Variants in EPHA4 observed in about 807,000 individuals in gnomAD.
EPHA4 encodes ephrin type-A receptor 4.
EPHA4 carries 19 observed loss-of-function variants against 108.3 expected under a neutral mutation model. The observed-to-expected ratio is 0.18, with a 90% CI of 0.12 to 0.26. The LOEUF (loss-of-function observed/expected upper bound fraction) is 0.26. Ranked by LOEUF, EPHA4 falls within the 10% of genes least tolerant of loss-of-function variation. The pLI is 1.00. For missense variants in EPHA4, 917 were observed against 1,254.0 expected, an observed-to-expected ratio of 0.73 and a Z score of 4.06; for synonymous variants, 449 against 455.5, an observed-to-expected ratio of 0.99 and a Z score of 0.18.
chr2:221,492,542 C>T (rs569033863), intron 4 of EPHA4, among the ~76,000 whole-genome samples: 2 of 152,236 alleles, frequency 1.3e-5, no homozygotes, highest in East Asian at 1.9e-4. Flanking sequence ...CAAACAAAAA[C>T]CATCCACTTG....
At chr2:221,513,088 C>T (rs1462581305) in intron 3 of EPHA4, among the ~76,000 whole-genome samples, 1 of 152,082 alleles carries the variant, frequency 6.6e-6, no homozygotes, top group Non-Finnish European at 1.5e-5. Context: ...GCTGGCTTCA[C>T]CCAGAAGAAG....
intron 4 of EPHA4, among the ~76,000 whole-genome samples, chr2:221,493,971 CTTTG>C (rs1302620450): frequency 3.3e-5 from 5 of 152,178 alleles, no homozygotes; most frequent in Non-Finnish European, 4.4e-5. Flanking sequence ...ATCAATCACT[CTTTG>C]TTTGTTTGGC....
intron 4 of EPHA4, among the ~76,000 whole-genome samples, chr2:221,486,155 T>C (rs1010779429): frequency 6.6e-6 from 1 of 152,176 alleles, no homozygotes; most frequent in Non-Finnish European, 1.5e-5. Context: ...ACTGTTGTAC[T>C]TGTTCTAATT....
chr2:221,540,929 TGTC>T (rs1408599426), intron 3 of EPHA4, among the ~76,000 whole-genome samples: 2 of 147,756 alleles, frequency 1.4e-5, no homozygotes, highest in African/African-American at 5.0e-5. Flanking sequence ...TGTGGAAAAC[TGTC>T]TTTTTTTTTT....
chr2:221,463,963 G>T (rs1559252028), intron 5 of EPHA4, among the ~76,000 whole-genome samples: 1 of 152,156 alleles, frequency 6.6e-6, no homozygotes, highest in Non-Finnish European at 1.5e-5. Flanking sequence ...TTTCATTACT[G>T]GTTCAAATTA....
At chr2:221,421,957 T>C (rs1269001964) in intron 17 of EPHA4, 3 of 152,104 alleles carry the variant, frequency 2.0e-5, no homozygotes, top group African/African-American at 2.4e-5. Context: ...AATCGTTTTC[T>C]GGCCAGGTCT....
At chr2:221,511,731 T>G (rs1260685216) in intron 3 of EPHA4, among the ~76,000 whole-genome samples, 1 of 152,220 alleles carries the variant, frequency 6.6e-6, no homozygotes, top group Non-Finnish European at 1.5e-5. Context: ...AATATGTTAT[T>G]TCAATTTGAT....
intron 5 of EPHA4, among the ~76,000 whole-genome samples, chr2:221,463,681 C>T (rs753373227): frequency 3.3e-5 from 5 of 152,194 alleles, no homozygotes; most frequent in Admixed American, 1.3e-4. Flanking sequence ...TCCCCACTGA[C>T]GTGAATGCTG....
At chr2:221,489,196 C>G (rs1692068347) in intron 4 of EPHA4, among the ~76,000 whole-genome samples, 1 of 152,186 alleles carries the variant, frequency 6.6e-6, no homozygotes, top group Non-Finnish European at 1.5e-5. Context: ...TTTATTCTTA[C>G]AGGAAGCAAC....
In EPHA4 at chr2:221,527,576, G is replaced by A. The variant is rs13424187; in HGVS notation, c.824-26404C>T. Among the ~76,000 whole-genome samples the A allele has an allele frequency of 3.2e-3, 482 of 152,246 alleles. 3 individuals are homozygous for A. Among genetic ancestry groups the A allele is most frequent in the African/African-American group, 0.011 (466 of 41,550 alleles). On this transcript the variant is annotated intron_variant, in intron 3 of 17. Coordinates refer to ENST00000281821, the MANE Select transcript of EPHA4 (RefSeq NM_004438.5). Reference sequence around the variant, plus strand: ...ATGGAGGCCCCAGCCCCAGCAACCGGGGAGGTCCACCGGGGTCTGCCCGAC... The same window carrying A: ...ATGGAGGCCCCAGCCCCAGCAACCGAGGAGGTCCACCGGGGTCTGCCCGAC...
At chr2:221,477,069 T>C (rs1450091040) in intron 5 of EPHA4, among the ~76,000 whole-genome samples, 1 of 151,696 alleles carries the variant, frequency 6.6e-6, no homozygotes, top group African/African-American at 2.4e-5. Flanking sequence ...TTATTATTAT[T>C]ATTATTTTGC....
At chr2:221,438,749 C>T (rs1222850301) in intron 11 of EPHA4, among the ~76,000 whole-genome samples, 12 of 152,024 alleles carry the variant, frequency 7.9e-5, no homozygotes, top group Admixed American at 7.9e-4. Context: ...CATGCCACTG[C>T]ACTGAAGCCT....
Position 221,436,412 on chromosome 2 carries a change from G to C in EPHA4, c.2333C>G (p.Ala778Gly). ...GATCTTTCTTACCCTGGTGGTGTAA[G>C]CTGCTTCCGGATCATCCTCAAGCAC... ...SRVLEDDPEAAYTTRGGKIPI... is the reference protein window; with the variant it reads ...SRVLEDDPEAGYTTRGGKIPI... The change falls in exon 13 of 18, where the codon GCT becomes GGT. Residue 778 changes from alanine (A) to glycine (G), a missense_variant. Physicochemically the swap from Ala to Gly is moderately conservative, Grantham distance 60 (BLOSUM62 0). Transcript: ENST00000281821. The C allele has an allele frequency of 6.2e-7, 1 of 1,614,156 alleles. No homozygotes were observed. The highest frequency in any genetic ancestry group is 8.5e-7 in the Non-Finnish European group (1 of 1,180,006).
Position 221,492,485 on chromosome 2 carries a change from G to A in EPHA4, c.979+8532C>T, listed in dbSNP as rs567691086. ...AGTCTGGGGTCTATCTAGTGCCTTC[G>A]TTGAAGCTCACCTGGTGATCTTTCT... On this transcript the variant is annotated intron_variant, in intron 4 of 17. Coordinates refer to ENST00000281821, the MANE Select transcript of EPHA4 (RefSeq NM_004438.5). 2.6e-5 allele frequency among the ~76,000 whole-genome samples: 4 copies of A among 152,216 alleles called. No homozygotes were observed. In the South Asian group the frequency reaches 6.2e-4, roughly 24 times the overall value.
chr2:221,543,487 C>T (rs899902129), intron 3 of EPHA4, among the ~76,000 whole-genome samples: 12 of 152,030 alleles, frequency 7.9e-5, no homozygotes, highest in African/African-American at 1.4e-4. Context: ...GCCTGTATTC[C>T]GCATTTTTAT....
Position 221,530,478 on chromosome 2 carries a change from G to C in EPHA4, c.824-29306C>G, listed in dbSNP as rs142248406. Among the ~76,000 whole-genome samples, 426 of 152,284 alleles carry C rather than the reference G, an allele frequency of 2.8e-3. 5 individuals carry two copies. The highest frequency in any genetic ancestry group is 0.012 in the East Asian group (64 of 5,160). On this transcript the variant is annotated intron_variant, in intron 3 of 17. Coordinates refer to ENST00000281821, the MANE Select transcript of EPHA4 (RefSeq NM_004438.5). ...TTCTAGAATGGAGCAAACCAGCAAC[G>C]GGCTGGAGGACTTAAGGATGGGTGA...
intron 5 of EPHA4, among the ~76,000 whole-genome samples, chr2:221,478,654 G>T (rs1691729921): frequency 6.6e-6 from 1 of 152,094 alleles, no homozygotes; most frequent in Non-Finnish European, 1.5e-5. Flanking sequence ...GTGAGGCTGG[G>T]AGTGACTCAT....
At chr2:221,563,625 T>C in intron 3 of EPHA4, 106 bp downstream of exon 3, 1 of 1,345,338 alleles carries the variant, frequency 7.4e-7, no homozygotes, top group East Asian at 2.3e-5. Context: ...TCCCACCACA[T>C]CCCACAGGGG....
intron 3 of EPHA4, among the ~76,000 whole-genome samples, chr2:221,527,289 A>G (rs1693364903): frequency 1.3e-5 from 2 of 152,194 alleles, no homozygotes. Flanking sequence ...CAGAATGACA[A>G]GTGCCTCTGA....
Sources: gnomAD v4.1 joint callset for allele counts (sites outside exome capture counted in the v4.1 genomes callset) on GRCh38, gnomAD v4.1.1 for gene constraint, MANE v1.5 for transcripts, NCBI Gene and HGNC (gene_info 2026-07-23, HGNC 2026-07-21) for gene names.